RPLP1: variants seen among roughly 807,000 people sequenced by gnomAD.
RPLP1 encodes the protein large ribosomal subunit protein P1.
RPLP1 carries 4 observed loss-of-function variants against 11.6 expected under a neutral mutation model. The ratio of observed to expected loss-of-function variants is 0.34; its 90% CI spans 0.17 to 0.79. The LOEUF (loss-of-function observed/expected upper bound fraction) is 0.79. Ranked by LOEUF, RPLP1 falls within the 30% of genes least tolerant of loss-of-function variation. The pLI, the probability that RPLP1 is intolerant of heterozygous loss-of-function variation, is 0.55. For synonymous variants in RPLP1, 54 were observed against 52.2 expected, an observed-to-expected ratio of 1.03 and a Z score of -0.15; for missense variants, 133 against 142.8, an observed-to-expected ratio of 0.93 and a Z score of 0.35.
chr15:69,453,220 G>A, intron 1 of RPLP1, 200 bp downstream of exon 1: 1 of 602,770 alleles, frequency 1.7e-6, no homozygotes, highest in South Asian at 2.0e-5. Context: ...CCACGTGCGG[G>A]CCCAGCGGGC....
Position 69,455,160 on chromosome 15 carries a change from T to G in RPLP1, c.148-10T>G. ...CTGGGCGTTTACCTATGCATGCACATGTATTGCAGGCCCTGGCCAACGTCA... is the reference window on the plus strand; with the variant it reads ...CTGGGCGTTTACCTATGCATGCACAGGTATTGCAGGCCCTGGCCAACGTCA... On this transcript the variant is annotated splice_polypyrimidine_tract_variant and intron_variant, in intron 2 of 3. Transcript: ENST00000260379. 1 of 1,562,376 alleles carries G rather than the reference T, an allele frequency of 6.4e-7. No individual in the cohort carries two copies. The highest frequency in any genetic ancestry group is 8.6e-7 in the Non-Finnish European group (1 of 1,159,250).
In RPLP1 at chr15:69,456,142, T is replaced by G. The variant is rs1892434030; in HGVS notation, c.*635T>G. The G allele has an allele frequency of 6.6e-6, 1 of 152,192 alleles. No homozygotes were observed. The highest frequency in any genetic ancestry group is 1.5e-5 in the Non-Finnish European group (1 of 68,062). The allele number at this position is 152,192 out of a possible 1,614,324, so 9.4% of individuals were successfully genotyped here. On this transcript the variant is annotated 3_prime_UTR_variant, in exon 4 of 4. Transcript: ENST00000260379. ...CAATTAATAATACCATGAATGGAAT[T>G]TTCAACTTTTCAGGCTTGGATTTAT...
intron 2 of RPLP1, chr15:69,454,088 G>A: frequency 4.2e-6 from 1 of 240,790 alleles, no homozygotes; most frequent in Non-Finnish European, 8.3e-6. Flanking sequence ...GAGTGCAGTG[G>A]TGCGATCTCA....
At chr15:69,454,028 A>ATTCTTT (rs541357927) in intron 2 of RPLP1, 6 of 386,010 alleles carry the variant, frequency 1.6e-5, no homozygotes, top group Admixed American at 4.5e-5. Context: ...TTGCAAGCAA[A>ATTCTTT]TTCTTTTTCT....
chr15:69,455,545 T>G lies in RPLP1; in HGVS notation c.*38T>G, dbSNP rs200720703. 13 of 1,460,000 alleles carry G rather than the reference T, an allele frequency of 8.9e-6. 1 individual carries two copies. The East Asian group carries it at 3.0e-4, about 33-fold the overall frequency. The allele number at this position is 1,460,000 out of a possible 1,614,324, so 90.4% of individuals were successfully genotyped here. ...ACATGTTCAATAAAAAGCTGAACTT[T>G]ACTGCTGTTGGTCTTGTCCATAGTT... On this transcript the variant is annotated 3_prime_UTR_variant, in exon 4 of 4. Transcript: ENST00000260379.
At chr15:69,455,347 T>G in intron 3 of RPLP1, 60 bp downstream of exon 3, 1 of 1,541,224 alleles carries the variant, frequency 6.5e-7, no homozygotes, top group Non-Finnish European at 8.7e-7. Flanking sequence ...AAAAATAGTA[T>G]TATAGACAAA....
chr15:69,456,068 A>G lies in RPLP1; in HGVS notation c.*561A>G, dbSNP rs969012516. 2.0e-5 allele frequency: 3 copies of G among 152,234 alleles called. No individual in the cohort carries two copies. Among genetic ancestry groups the G allele is most frequent in the African/African-American group, 7.2e-5 (3 of 41,450 alleles). The allele number at this position is 152,234 out of a possible 1,614,324, so 9.4% of individuals were successfully genotyped here. A position where few individuals can be genotyped will look rare whatever the true frequency, so the allele number is the denominator to read the frequency against. On this transcript the variant is annotated 3_prime_UTR_variant, in exon 4 of 4. Transcript: ENST00000260379. ...CTCCAGTTACACAAAGTGGAAAAAA[A>G]AAAAGATTCAAACCTGTGTTCCAAA...
rs1337943012 is a variant in RPLP1 at position 69,455,530 on chromosome 15, T to G, written c.*23T>G. ...TAAACCTCTTTTATAACATGTTCAA[T>G]AAAAAGCTGAACTTTACTGCTGTTG... On this transcript the variant is annotated 3_prime_UTR_variant, in exon 4 of 4. Transcript: ENST00000260379. 1.3e-6 allele frequency: 2 copies of G among 1,553,966 alleles called. No homozygotes were observed. Among genetic ancestry groups the G allele is most frequent in the Admixed American group, 3.5e-5 (2 of 56,608 alleles).
intron 2 of RPLP1, chr15:69,454,401 T>A (rs1892402539): frequency 6.6e-6 from 1 of 152,462 alleles, no homozygotes; most frequent in African/African-American, 2.4e-5. Flanking sequence ...TTTAGCGGAC[T>A]TCATTGACAC....
rs1203304650 is a variant in RPLP1 at position 69,452,939 on chromosome 15, C to T, written c.-10C>T. 2 of 1,569,552 alleles carry T rather than the reference C, an allele frequency of 1.3e-6. No individual in the cohort carries two copies. The highest frequency in any genetic ancestry group is 1.7e-6 in the Non-Finnish European group (2 of 1,159,814). On this transcript the variant is annotated 5_prime_UTR_variant, in exon 1 of 4. Transcript: ENST00000260379. Reference sequence around the variant, plus strand: ...CGTCCGGCAGCGCCAGCCCTACACTCGCCCGCGCCATGGCCTCTGTCTCCG... The same window carrying T: ...CGTCCGGCAGCGCCAGCCCTACACTTGCCCGCGCCATGGCCTCTGTCTCCG...
rs1387040552 is a variant in RPLP1 at position 69,453,663 on chromosome 15, C to G, written c.89C>G (p.Ala30Gly). Residue 30 changes from alanine (A) to glycine (G), a missense_variant, in exon 2 of 4, where the codon GCC (alanine) becomes GGC (glycine). Transcript: ENST00000260379. ...EVTVTEDKIN[A>G]LIKAAGVNVE... ...TTGTTGTAGGAGGATAAGATCAATG[C>G]CCTCATTAAAGCAGCCGGTGTAAAT... The G allele has an allele frequency of 6.2e-7, 1 of 1,614,064 alleles. No individual in the cohort carries two copies. The highest frequency in any genetic ancestry group is 1.1e-5 in the South Asian group (1 of 91,074).
At chr15:69,453,289 T>C in intron 1 of RPLP1, 1 of 579,060 alleles carries the variant, frequency 1.7e-6, no homozygotes, top group South Asian at 2.1e-5. Flanking sequence ...AGAAAAGCTC[T>C]TCCGCAGTGC....
chr15:69,453,123 C>A, intron 1 of RPLP1, 103 bp downstream of exon 1: 2 of 1,095,542 alleles, frequency 1.8e-6, no homozygotes, highest in Non-Finnish European at 2.7e-6. Flanking sequence ...CACTTCCGGC[C>A]GGGGCCAGGC....
Position 69,453,640 on chromosome 15 carries a change from G to C in RPLP1, c.73-7G>C. ...TTTTGATGGATTGACGTTTTTATTTGTTGTAGGAGGATAAGATCAATGCCC... is the reference window on the plus strand; with the variant it reads ...TTTTGATGGATTGACGTTTTTATTTCTTGTAGGAGGATAAGATCAATGCCC... On this transcript the variant is annotated splice_region_variant and splice_polypyrimidine_tract_variant and intron_variant, in intron 1 of 3. Coordinates refer to ENST00000260379, the MANE Select transcript of RPLP1 (RefSeq NM_001003.3). 6.2e-7 allele frequency: 1 copy of C among 1,614,010 alleles called. No individual in the cohort carries two copies. Among genetic ancestry groups the C allele is most frequent in the Middle Eastern group, 1.7e-4 (1 of 6,036 alleles).
rs1892378587 is a variant in RPLP1 at position 69,453,247 on chromosome 15, G to T, written c.72+227G>T. 5 of 588,528 alleles carry T rather than the reference G, an allele frequency of 8.5e-6. No individual in the cohort carries two copies. The South Asian group carries it at 1.0e-4, about 12-fold the overall frequency. 36.5% of individuals were successfully genotyped at this position (588,528 alleles called of 1,614,324 possible). On this transcript the variant is annotated intron_variant, in intron 1 of 3. Coordinates refer to ENST00000260379, the MANE Select transcript of RPLP1 (RefSeq NM_001003.3). ...CCAGCGGGCATGGAGTGCGCTTGAG[G>T]CTGGGCGCTCCGGCTCCAAGAGCCT...
chr15:69,453,608 C>T, intron 1 of RPLP1, 39 bp from the exon 2 acceptor site: 1 of 1,600,914 alleles, frequency 6.2e-7, no homozygotes, highest in African/African-American at 1.3e-5. Flanking sequence ...ATATTACATA[C>T]GCTACGTTTT....
intron 1 of RPLP1, chr15:69,453,395 G>A (rs1892382873): frequency 2.0e-5 from 12 of 586,184 alleles, no homozygotes; most frequent in Admixed American, 6.2e-5. Flanking sequence ...GTGGAGGAAG[G>A]CGCCCGAGCT....
rs546829014 is a variant in RPLP1 at position 69,453,443 on chromosome 15, C to T, written c.73-204C>T. 7 of 622,426 alleles carry T rather than the reference C, an allele frequency of 1.1e-5. No homozygotes were observed. In the South Asian group the frequency reaches 1.4e-4, roughly 13 times the overall value. 38.6% of individuals were successfully genotyped at this position (622,426 alleles called of 1,614,324 possible). A position where few individuals can be genotyped will look rare whatever the true frequency, so the allele number is the denominator to read the frequency against. Reference sequence around the variant, plus strand: ...CCAGGTCTTGTAACTTAAAAATAGCCGCGTGACTCAGGCAAGTCCCAGCCC... The same window carrying T: ...CCAGGTCTTGTAACTTAAAAATAGCTGCGTGACTCAGGCAAGTCCCAGCCC... On this transcript the variant is annotated intron_variant, in intron 1 of 3. Coordinates refer to ENST00000260379, the MANE Select transcript of RPLP1 (RefSeq NM_001003.3).
At chr15:69,455,067 G>T (rs75215491) in intron 2 of RPLP1, 103 bp from the exon 3 acceptor site, 47,302 of 1,475,082 alleles carry the variant, frequency 0.032, 878 homozygotes, top group Non-Finnish European at 0.037. Context: ...GTTAGGGGTT[G>T]ATCACTGTAA....
Sources: allele counts gnomAD v4.1 joint callset, GRCh38; gene constraint gnomAD v4.1.1; transcripts MANE v1.5; gene names NCBI Gene and HGNC (gene_info 2026-07-23, HGNC 2026-07-21).